Variants in ERC1 observed in about 807,000 individuals in gnomAD.
ERC1 encodes the protein ELKS/RAB6-interacting/CAST family member 1, also known as RAB6 interacting protein 2.
In ERC1, 56 loss-of-function variants were observed where a neutral mutation model predicts 132.0. That is an observed-to-expected ratio of 0.42 (90% CI 0.34 to 0.53). The LOEUF is 0.53. ERC1 is among the 20% of genes least tolerant of loss of function. ERC1 has a pLI of 0.03. For synonymous variants in ERC1, 478 were observed against 476.1 expected (o/e 1.00, Z -0.05); for missense variants, 1,202 against 1,349.9 (o/e 0.89, Z 1.72).
intron 16 of ERC1, among the ~76,000 whole-genome samples, chr12:1,406,281 T>C (rs1204320781): frequency 1.3e-5 from 2 of 152,104 alleles, no homozygotes; most frequent in Non-Finnish European, 2.9e-5. Flanking sequence ...CTCTTTTAAA[T>C]CCCTTGCTCA....
intron 12 of ERC1, among the ~76,000 whole-genome samples, chr12:1,208,738 A>G (rs1458551578): frequency 6.6e-6 from 1 of 152,082 alleles, no homozygotes; most frequent in Non-Finnish European, 1.5e-5. Flanking sequence ...TGGGAAATTG[A>G]TTAATTCTGA....
intron 12 of ERC1, among the ~76,000 whole-genome samples, chr12:1,225,415 A>G (rs909504740): frequency 1.4e-5 from 2 of 146,376 alleles, no homozygotes; most frequent in African/African-American, 5.3e-5. Context: ...ACGCCACTCT[A>G]CTACAGCCAG....
At chr12:1,353,220 T>C (rs58254940) in intron 15 of ERC1, among the ~76,000 whole-genome samples, 48,568 of 151,536 alleles carry the variant, frequency 0.32, 8,086 homozygotes, top group Middle Eastern at 0.42. Flanking sequence ...GTAGTAGAGA[T>C]GGGGTTTCAC....
chr12:1,198,134 C>T (rs1956516063), intron 12 of ERC1, among the ~76,000 whole-genome samples: 1 of 151,952 alleles, frequency 6.6e-6, no homozygotes, highest in Non-Finnish European at 1.5e-5. Context: ...TGCCAGATAG[C>T]CTAGGCTGGT....
At chr12:1,312,269 A>G (rs927299475) in intron 15 of ERC1, among the ~76,000 whole-genome samples, 1 of 152,218 alleles carries the variant, frequency 6.6e-6, no homozygotes, top group African/African-American at 2.4e-5. Flanking sequence ...CAGTAAAGGT[A>G]TCAAAGAAAA....
intron 7 of ERC1, among the ~76,000 whole-genome samples, chr12:1,130,918 A>G (rs1641225610): frequency 6.6e-6 from 1 of 152,124 alleles, no homozygotes; most frequent in African/African-American, 2.4e-5. Flanking sequence ...AAGTTACTTA[A>G]TTAGTTTGGG....
intron 15 of ERC1, among the ~76,000 whole-genome samples, chr12:1,314,657 T>G (rs1220491502): frequency 6.6e-6 from 1 of 152,206 alleles, no homozygotes; most frequent in Non-Finnish European, 1.5e-5. Flanking sequence ...TGTAGTAATT[T>G]GTGTGAAGCT....
intron 13 of ERC1, among the ~76,000 whole-genome samples, chr12:1,248,251 C>A (rs1206205017): frequency 6.6e-6 from 1 of 152,138 alleles, no homozygotes; most frequent in Non-Finnish European, 1.5e-5. Context: ...GGCACTGTTG[C>A]TAATCTTTGG....
At chr12:1,001,006 C>T (rs761291453) in intron 1 of ERC1, among the ~76,000 whole-genome samples, 2 of 152,028 alleles carry the variant, frequency 1.3e-5, no homozygotes, top group South Asian at 2.1e-4. Context: ...CAGGTTCAAG[C>T]GATTCTCCTG....
chr12:1,400,919 T>TTATTATTA (rs1566775077), intron 16 of ERC1, among the ~76,000 whole-genome samples: 1 of 33,160 alleles, frequency 3.0e-5, no homozygotes, highest in African/African-American at 2.3e-4. Flanking sequence ...TTTTTGTATT[T>TTATTATTA]TTTTTTTTTT....
chr12:1,080,316 C>A (rs142985134), intron 2 of ERC1, among the ~76,000 whole-genome samples: 1 of 152,172 alleles, frequency 6.6e-6, no homozygotes, highest in African/African-American at 2.4e-5. Flanking sequence ...AACCACTGTT[C>A]TAGTTCCTTC....
At chr12:1,013,447 G>A (rs1965015557) in intron 1 of ERC1, among the ~76,000 whole-genome samples, 1 of 151,808 alleles carries the variant, frequency 6.6e-6, no homozygotes, top group Admixed American at 6.6e-5. Context: ...TTAAAAAAAG[G>A]CGAAATAGTA....
intron 6 of ERC1, among the ~76,000 whole-genome samples, chr12:1,115,073 A>G (rs1287652640): frequency 6.6e-6 from 1 of 152,208 alleles, no homozygotes; most frequent in African/African-American, 2.4e-5. Context: ...TGTCAAATGT[A>G]TACTTCCAAT....
chr12:1,012,389 A>G (rs1964826673), intron 1 of ERC1, among the ~76,000 whole-genome samples: 3 of 152,230 alleles, frequency 2.0e-5, no homozygotes, highest in Admixed American at 1.3e-4. Context: ...TAAGAAATAA[A>G]CAGTCACAGA....
chr12:1,400,511 G>T (rs2090928043), intron 16 of ERC1, among the ~76,000 whole-genome samples: 1 of 152,032 alleles, frequency 6.6e-6, no homozygotes. Context: ...AGGCCTCAAA[G>T]ATTTACTCTT....
chr12:1,042,281 C>T (rs1294533870), intron 2 of ERC1, among the ~76,000 whole-genome samples: 1 of 151,922 alleles, frequency 6.6e-6, no homozygotes, highest in Non-Finnish European at 1.5e-5. Flanking sequence ...TGGTGATCTG[C>T]CCGCCTCAGC....
intron 16 of ERC1, 68 bp downstream of exon 16, chr12:1,372,045 G>A: frequency 2.6e-6 from 4 of 1,556,964 alleles, no homozygotes; most frequent in East Asian, 4.5e-5. Context: ...ACAGGTCTTT[G>A]CCAGCTTGTA....
chr12:1,262,484 A>G lies in ERC1; in HGVS notation c.2488-550A>G, dbSNP rs76253215. Among the ~76,000 whole-genome samples the G allele has an allele frequency of 6.8e-3, 1,036 of 152,340 alleles. 13 individuals are homozygous for G. The highest frequency in any genetic ancestry group is 0.023 in the African/African-American group (975 of 41,568). On this transcript the variant is annotated intron_variant, in intron 13 of 18. Coordinates refer to ENST00000360905, the MANE Select transcript of ERC1 (RefSeq NM_178040.4). ...GTCATTTTTGGTTTTCTCCTATGAG[A>G]TTATGAGAAAACCATACATTCTTGA...
chr12:1,166,998 G>A (rs1952490089), intron 8 of ERC1, among the ~76,000 whole-genome samples: 1 of 152,120 alleles, frequency 6.6e-6, no homozygotes, highest in African/African-American at 2.4e-5. Context: ...ATAATTTGAG[G>A]ATCTGTGCTT....
Sources: allele counts gnomAD v4.1 joint callset (sites outside exome capture counted in the v4.1 genomes callset), GRCh38; gene constraint gnomAD v4.1.1; transcripts MANE v1.5; gene names NCBI Gene and HGNC (gene_info 2026-07-23, HGNC 2026-07-21).